The following ATE1 variants were observed in gnomAD, a reference collection of about 807,000 sequenced individuals.
The protein encoded by ATE1 is arginyltransferase 1.
A neutral mutation model predicts 70.5 loss-of-function variants in ATE1; 36 were observed. That is an observed-to-expected ratio of 0.51 (90% CI 0.39 to 0.67). ATE1 has a LOEUF of 0.67. Among genes scored for constraint, ATE1 ranks in the 30% least tolerant of loss-of-function variants. The probability of loss-of-function intolerance (pLI) is 0.00; values close to 1 mark genes in which losing one functional copy is unlikely to be tolerated. For missense variants in ATE1, 593 were observed against 629.5 expected, an observed-to-expected ratio of 0.94 and a Z score of 0.62; for synonymous variants, 232 against 219.3, an observed-to-expected ratio of 1.06 and a Z score of -0.51.
intron 5 of ATE1, among the ~76,000 whole-genome samples, chr10:121,908,123 G>A (rs1186780554): frequency 2.0e-5 from 3 of 152,190 alleles, no homozygotes; most frequent in Non-Finnish European, 4.4e-5. Context: ...TCAGATCCAT[G>A]AGTTCCCAAT....
chr10:121,798,573 T>G (rs892824144), intron 10 of ATE1, among the ~76,000 whole-genome samples: 6 of 152,176 alleles, frequency 3.9e-5, no homozygotes, highest in African/African-American at 9.7e-5. Flanking sequence ...TTCTGCACAT[T>G]GTCTGAGTTA....
At chr10:121,913,922 G>C (rs891154950) in intron 3 of ATE1, 29 bp from the exon 4 acceptor site, 32 of 1,548,262 alleles carry the variant, frequency 2.1e-5, no homozygotes, top group Non-Finnish European at 2.6e-5. Context: ...TATTTAAAAA[G>C]TGAACTCAAA....
rs187275512 is a variant in ATE1, at chr10:121,879,772, G to A, written c.943-9734C>T. On this transcript the variant is annotated intron_variant, in intron 7 of 11. Transcript: ENST00000224652. ...AGCAGTCACCAGTAAGGAAGACCCA[G>A]TAATGCTGAAGTAAAAACCTGTCCC... Among the ~76,000 whole-genome samples, 328 of 152,304 alleles carry A rather than the reference G, an allele frequency of 2.2e-3. 2 individuals are homozygous for A. Among genetic ancestry groups the A allele is most frequent in the African/African-American group, 7.7e-3 (318 of 41,560 alleles).
chr10:121,822,453 G>C (rs1042377211), intron 10 of ATE1, among the ~76,000 whole-genome samples: 7 of 152,156 alleles, frequency 4.6e-5, no homozygotes, highest in African/African-American at 1.4e-4. Flanking sequence ...GTTTTGGGTG[G>C]TTGCACAGGT....
At chr10:121,765,288 T>C (rs1945230235) in intron 11 of ATE1, among the ~76,000 whole-genome samples, 1 of 151,138 alleles carries the variant, frequency 6.6e-6, no homozygotes, top group African/African-American at 2.4e-5. Flanking sequence ...AGTACAAATG[T>C]ATGGTCAAGG....
chr10:121,927,976 G>GC lies in ATE1; in HGVS notation c.-28dup. 1 of 1,480,096 alleles carries GC rather than the reference G, an allele frequency of 6.8e-7. No individual in the cohort carries two copies. Among genetic ancestry groups the GC allele is most frequent in the Non-Finnish European group, 9.0e-7 (1 of 1,112,870 alleles). The allele number at this position is 1,480,096 out of a possible 1,614,324, so 91.7% of individuals were successfully genotyped here. ...GCCTCGGCCCCGCGAACGCTCAGCC[G>GC]CCCGGCCCCGCGTCGCTAGCGCGGC... On this transcript the variant is annotated 5_prime_UTR_variant, in exon 1 of 12. Coordinates refer to ENST00000224652, the MANE Select transcript of ATE1 (RefSeq NM_001001976.3).
chr10:121,789,402 G>A (rs530988666), intron 11 of ATE1, among the ~76,000 whole-genome samples: 37 of 145,564 alleles, frequency 2.5e-4, no homozygotes, highest in African/African-American at 8.6e-4. Flanking sequence ...AGGTTCAAGC[G>A]ATTCTCCTGC....
At chr10:121,788,027 A>G (rs1011465532) in intron 11 of ATE1, among the ~76,000 whole-genome samples, 6 of 152,250 alleles carry the variant, frequency 3.9e-5, no homozygotes, top group African/African-American at 1.4e-4. Flanking sequence ...TGCAACTTAT[A>G]CAGAAACAGT....
In ATE1 at chr10:121,913,773, G is replaced by C; in HGVS notation, c.337+17C>G. ...AAAGACAGATAGTAAATCGTTTTTA[G>C]ACCCAGCCCATCTTACCCTCACAAC... On this transcript the variant is annotated intron_variant, in intron 4 of 11. Transcript: ENST00000224652. 1.9e-6 allele frequency: 3 copies of C among 1,563,854 alleles called. No individual in the cohort carries two copies. In the East Asian group the frequency reaches 6.7e-5, roughly 35 times the overall value.
chr10:121,781,133 C>T (rs1208822979), intron 11 of ATE1, among the ~76,000 whole-genome samples: 1 of 152,056 alleles, frequency 6.6e-6, no homozygotes, highest in Non-Finnish European at 1.5e-5. Flanking sequence ...ATGCAACTGA[C>T]ATGATCAAAT....
intron 11 of ATE1, among the ~76,000 whole-genome samples, chr10:121,786,756 A>G (rs1035111314): frequency 5.3e-5 from 8 of 152,352 alleles, no homozygotes; most frequent in African/African-American, 1.9e-4. Context: ...CTACCTTATC[A>G]AAAGTAAGAA....
At chr10:121,870,088 A>G (rs773307994) in intron 7 of ATE1, 50 bp from the exon 8 acceptor site, 79 of 1,557,286 alleles carry the variant, frequency 5.1e-5, no homozygotes, top group Middle Eastern at 1.7e-4. Flanking sequence ...ACAGACGGCA[A>G]AAAGGAACAC....
At chr10:121,915,432 G>A (rs1391542200) in intron 3 of ATE1, among the ~76,000 whole-genome samples, 1 of 152,028 alleles carries the variant, frequency 6.6e-6, no homozygotes, top group East Asian at 1.9e-4. Flanking sequence ...AAAAGAAAAT[G>A]GAGGTGAAAA....
At chr10:121,786,861 T>C (rs1463493079) in intron 11 of ATE1, among the ~76,000 whole-genome samples, 1 of 152,158 alleles carries the variant, frequency 6.6e-6, no homozygotes, top group East Asian at 1.9e-4. Flanking sequence ...TGTATATATA[T>C]ATGTGTATAG....
At chr10:121,789,280 T>A (rs113222178) in intron 11 of ATE1, among the ~76,000 whole-genome samples, 8 of 142,770 alleles carry the variant, frequency 5.6e-5, no homozygotes, top group African/African-American at 2.1e-4. Flanking sequence ...CCAGGAAGCC[T>A]AACTCCAGGG....
At chr10:121,775,701 A>G (rs2135915146) in intron 11 of ATE1, among the ~76,000 whole-genome samples, 1 of 152,342 alleles carries the variant, frequency 6.6e-6, no homozygotes, top group South Asian at 2.1e-4. Context: ...AGCATTAAGA[A>G]AGTGGGTCCC....
chr10:121,925,460 T>A (rs369796335), intron 1 of ATE1, among the ~76,000 whole-genome samples: 5 of 148,894 alleles, frequency 3.4e-5, no homozygotes, highest in Middle Eastern at 3.5e-3. Context: ...AGAAAGAAAG[T>A]AACTCAAATG....
intron 6 of ATE1, among the ~76,000 whole-genome samples, chr10:121,900,823 A>C (rs1240721470): frequency 1.3e-5 from 2 of 152,230 alleles, no homozygotes; most frequent in African/African-American, 4.8e-5. Flanking sequence ...TGTTATGTTA[A>C]GCGTGCTTGG....
intron 11 of ATE1, among the ~76,000 whole-genome samples, chr10:121,752,234 G>GTTT (rs767272285): frequency 8.2e-6 from 1 of 122,226 alleles, no homozygotes; most frequent in Non-Finnish European, 1.7e-5. Flanking sequence ...TATTTCTAAG[G>GTTT]TTTTTTTTTT....
Sources: allele counts gnomAD v4.1 joint callset (sites outside exome capture counted in the v4.1 genomes callset), GRCh38; gene constraint gnomAD v4.1.1; transcripts MANE v1.5; gene names NCBI Gene and HGNC (gene_info 2026-07-23, HGNC 2026-07-21).